The following TTC7A variants were observed in gnomAD, a reference collection of about 807,000 sequenced individuals.
The protein encoded by TTC7A is tetratricopeptide repeat domain 7A.
In TTC7A, 110 loss-of-function variants were observed where a neutral mutation model predicts 103.7. That is an observed-to-expected ratio of 1.06 (90% CI 0.91 to 1.24). The LOEUF (loss-of-function observed/expected upper bound fraction) is 1.24. TTC7A is among the 50% of genes most tolerant of loss of function. TTC7A has a pLI of 0.00. For missense variants in TTC7A, 1,340 were observed against 1,116.3 expected (o/e 1.20, Z -2.86); for synonymous variants, 521 against 467.9 (o/e 1.11, Z -1.47).
At position 46,975,056 on chromosome 2, in the gene TTC7A, G is replaced by T; in HGVS notation, c.601G>T (p.Glu201Ter). ...EREEEVITCF[E>*]RASWIAQVFL... ...GGAGGAGGAAGTGATCACCTGTTTT[G>T]AGAGGGCCTCCTGGATCGCTCAGGT... Residue 201 changes from glutamate (E) to a stop codon, truncating the protein, a stop_gained, in exon 4 of 20, where the codon GAG (glutamate) becomes TAG (stop). Transcript: ENST00000319190. LOFTEE classifies it high-confidence loss of function. 6.2e-7 allele frequency: 1 copy of T among 1,614,056 alleles called. No homozygotes were observed. Among genetic ancestry groups the T allele is most frequent in the South Asian group, 1.1e-5 (1 of 91,080 alleles).
At chr2:47,024,027 C>T (rs1379657369) in intron 13 of TTC7A, among the ~76,000 whole-genome samples, 1 of 151,388 alleles carries the variant, frequency 6.6e-6, no homozygotes, top group Non-Finnish European at 1.5e-5. Context: ...TCTGTCACCC[C>T]AGGGCTGCCC....
At chr2:47,058,541 A>G (rs1405425865) in intron 18 of TTC7A, among the ~76,000 whole-genome samples, 25 of 152,226 alleles carry the variant, frequency 1.6e-4, no homozygotes, top group Admixed American at 1.6e-3. Context: ...CACCCCAGAC[A>G]TAATCTGAAC....
At chr2:46,930,609 C>T (rs1033858693) in intron 2 of TTC7A, among the ~76,000 whole-genome samples, 4 of 151,690 alleles carry the variant, frequency 2.6e-5, no homozygotes, top group African/African-American at 9.7e-5. Flanking sequence ...AAGCGATTCT[C>T]CTGCCTCAGC....
chr2:47,075,509 G>A lies in TTC7A; in HGVS notation c.*1586G>A, dbSNP rs987693193. The A allele has an allele frequency of 1.1e-4, 16 of 152,228 alleles. No homozygotes were observed. The highest frequency in any genetic ancestry group is 2.2e-4 in the Non-Finnish European group (15 of 68,060). 9.4% of individuals were successfully genotyped at this position (152,228 alleles called of 1,614,324 possible). ...CAGCAGAGGGCCAGGCCAAGTTGCTGACAGTGACTTTGCAGGTTGAATAAA... is the reference window on the plus strand; with the variant it reads ...CAGCAGAGGGCCAGGCCAAGTTGCTAACAGTGACTTTGCAGGTTGAATAAA... On this transcript the variant is annotated 3_prime_UTR_variant, in exon 20 of 20. Transcript: ENST00000319190.
intron 19 of TTC7A, among the ~76,000 whole-genome samples, chr2:47,068,799 A>G (rs562912673): frequency 1.4e-5 from 2 of 147,760 alleles, no homozygotes; most frequent in Admixed American, 6.9e-5. Context: ...AGCCTGTCAT[A>G]GATTCAGATC....
At chr2:47,017,200 C>CAAA (rs70940652) in intron 11 of TTC7A, among the ~76,000 whole-genome samples, 29 of 35,582 alleles carry the variant, frequency 8.2e-4, no homozygotes, top group Non-Finnish European at 1.1e-3. Flanking sequence ...CACTCTGTCT[C>CAAA]AAAAAAAAAA....
chr2:46,989,609 C>T (rs927691175), intron 5 of TTC7A, among the ~76,000 whole-genome samples: 1 of 148,532 alleles, frequency 6.7e-6, no homozygotes, highest in African/African-American at 2.5e-5. Flanking sequence ...GCCACTGGGA[C>T]CTCTCTATTT....
In TTC7A at chr2:47,038,861, A is replaced by G. The variant is rs371347409; in HGVS notation, c.1803-7454A>G. 2.6e-5 allele frequency among the ~76,000 whole-genome samples: 4 copies of G among 152,130 alleles called. 1 individual carries two copies. The highest frequency in any genetic ancestry group is 9.6e-5 in the African/African-American group (4 of 41,502). ...GGCCTTGGTGAGCCCTTGTGACTCA[A>G]CTTTCCTCTTCCGTTCTTCAGCAAT... is the stretch of plus-strand genomic sequence containing the variant. On this transcript the variant is annotated intron_variant, in intron 15 of 19. Transcript: ENST00000319190.
intron 19 of TTC7A, chr2:47,068,660 C>G (rs894423019): frequency 6.6e-6 from 1 of 151,764 alleles, no homozygotes; most frequent in Non-Finnish European, 1.5e-5. Flanking sequence ...GGATCAGAGG[C>G]CCCTCCCTAC....
chr2:46,938,724 A>C (rs1486589763), upstream of TTC7A, among the ~76,000 whole-genome samples: 1 of 152,140 alleles, frequency 6.6e-6, no homozygotes, highest in African/African-American at 2.4e-5. Flanking sequence ...CAATCAAAGC[A>C]CTTTGGAGGC....
chr2:47,030,201 C>A (rs1370403739), intron 15 of TTC7A, among the ~76,000 whole-genome samples: 2 of 152,222 alleles, frequency 1.3e-5, no homozygotes, highest in Non-Finnish European at 2.9e-5. Context: ...CCAAGGCTGT[C>A]CCCCTGCAGA....
At chr2:47,033,945 TC>T (rs1269436669) in intron 15 of TTC7A, among the ~76,000 whole-genome samples, 1 of 152,136 alleles carries the variant, frequency 6.6e-6, no homozygotes, top group Non-Finnish European at 1.5e-5. Flanking sequence ...AAGTCGCCAC[TC>T]CCATACAGGC....
chr2:46,932,109 A>G (rs189596368), intron 2 of TTC7A, among the ~76,000 whole-genome samples: 67 of 152,254 alleles, frequency 4.4e-4, no homozygotes, highest in African/African-American at 1.6e-3. Context: ...AACTTCCTAA[A>G]TCTGAGAAAA....
intron 2 of TTC7A, among the ~76,000 whole-genome samples, chr2:46,930,803 A>T (rs182476099): frequency 6.6e-6 from 1 of 152,176 alleles, no homozygotes; most frequent in Non-Finnish European, 1.5e-5. Context: ...CCCAGCCTGA[A>T]GTCCTATAAT....
intron 19 of TTC7A, among the ~76,000 whole-genome samples, chr2:47,067,642 G>A (rs1317290825): frequency 1.3e-5 from 2 of 152,234 alleles, no homozygotes; most frequent in African/African-American, 4.8e-5. Context: ...ACCTGGACCT[G>A]AGTCCCACTT....
intron 19 of TTC7A, among the ~76,000 whole-genome samples, 175 bp from the exon 20 acceptor site, chr2:47,073,527 C>T (rs981060058): frequency 6.6e-6 from 1 of 152,138 alleles, no homozygotes; most frequent in Non-Finnish European, 1.5e-5. Flanking sequence ...TGGGCAGGGC[C>T]AGGTAGGATT....
In TTC7A at chr2:47,073,733, G is replaced by A. The variant is rs1684976086; in HGVS notation, c.2387G>A (p.Ser796Asn). The A allele has an allele frequency of 6.2e-7, 1 of 1,613,810 alleles. No homozygotes were observed. The highest frequency in any genetic ancestry group is 8.5e-7 in the Non-Finnish European group (1 of 1,180,024). Residue 796 changes from serine (S) to asparagine (N), a missense_variant, in exon 20 of 20, where the codon AGC (serine) becomes AAC (asparagine). Ser to Asn is a conservative substitution (Grantham distance 46). Coordinates refer to ENST00000319190, the MANE Select transcript of TTC7A (RefSeq NM_020458.4). The part of the protein sequence containing the change: ...GLMLSRLGHK[S>N]LAQKVLRDAV... ...ATGCTGAGTCGGCTGGGCCACAAGAGCTTGGCCCAGAAGGTGCTTCGTGAT... is the reference window on the plus strand; with the variant it reads ...ATGCTGAGTCGGCTGGGCCACAAGAACTTGGCCCAGAAGGTGCTTCGTGAT...
At chr2:47,028,040 C>T (rs6749368) in intron 14 of TTC7A, among the ~76,000 whole-genome samples, 1,835 of 152,224 alleles carry the variant, frequency 0.012, 43 homozygotes, top group African/African-American at 0.042. Context: ...GTAGATGGGT[C>T]TGGGGAGGTA....
At chr2:47,025,725 C>T (rs17036138) in intron 14 of TTC7A, among the ~76,000 whole-genome samples, 9,867 of 152,174 alleles carry the variant, frequency 0.065, 483 homozygotes, top group African/African-American at 0.13. Flanking sequence ...CCACTGTCGT[C>T]GGTGGCTTCG....
Sources: gnomAD v4.1 joint callset for allele counts (sites outside exome capture counted in the v4.1 genomes callset) on GRCh38, gnomAD v4.1.1 for gene constraint, MANE v1.5 for transcripts, NCBI Gene and HGNC (gene_info 2026-07-23, HGNC 2026-07-21) for gene names.